Variants in SHROOM3 observed in about 807,000 individuals in gnomAD.
SHROOM3 encodes protein Shroom3.
A neutral mutation model predicts 138.6 loss-of-function variants in SHROOM3; 47 were observed. The observed-to-expected ratio is 0.34, with a 90% confidence interval of 0.27 to 0.43. The LOEUF (loss-of-function observed/expected upper bound fraction) is 0.43. Among genes scored for constraint, SHROOM3 ranks in the 20% least tolerant of loss-of-function variants. The pLI is 1.00. For missense variants in SHROOM3, 2,491 were observed against 2,596.5 expected, an observed-to-expected ratio of 0.96 and a Z score of 0.88; for synonymous variants, 1,062 against 1,063.3, an observed-to-expected ratio of 1.00 and a Z score of 0.02.
At chr4:76,444,572 CT>C (rs1443889051) in intron 1 of SHROOM3, among the ~76,000 whole-genome samples, 23 of 139,302 alleles carry the variant, frequency 1.7e-4, no homozygotes. Flanking sequence ...TCTTGGCTCA[CT>C]GCAACCTCCA....
intron 1 of SHROOM3, among the ~76,000 whole-genome samples, chr4:76,498,436 GGAT>G (rs1196823710): frequency 6.6e-6 from 1 of 152,092 alleles, no homozygotes; most frequent in Non-Finnish European, 1.5e-5. Flanking sequence ...CAAAATAAAT[GGAT>G]GATGATAGGA....
At chr4:76,455,505 A>C (rs528533422) in intron 1 of SHROOM3, among the ~76,000 whole-genome samples, 2 of 152,188 alleles carry the variant, frequency 1.3e-5, no homozygotes, top group East Asian at 3.9e-4. Context: ...TCATTAATTA[A>C]AATGATATAA....
At position 76,482,853 on chromosome 4, in the gene SHROOM3, A is replaced by G. The variant is rs190637546; in HGVS notation, c.168+46633A>G. Among the ~76,000 whole-genome samples, 23 of 152,336 alleles carry G rather than the reference A, an allele frequency of 1.5e-4. No homozygotes were observed. The East Asian group carries it at 4.4e-3, about 29-fold the overall frequency. On this transcript the variant is annotated intron_variant, in intron 1 of 10. Coordinates refer to ENST00000296043, the MANE Select transcript of SHROOM3 (RefSeq NM_020859.4). ...GCCTCAGAAGTAATGCCACACATCC[A>G]CAACCATCTGATCTTTGACAAACCT...
chr4:76,476,365 C>T (rs567115140), intron 1 of SHROOM3, among the ~76,000 whole-genome samples: 11 of 152,190 alleles, frequency 7.2e-5, no homozygotes, highest in Non-Finnish European at 1.6e-4. Flanking sequence ...ACTAAGCACT[C>T]AAGGTCTGGC....
chr4:76,455,267 G>A (rs1193367039), intron 1 of SHROOM3, among the ~76,000 whole-genome samples: 1 of 151,858 alleles, frequency 6.6e-6, no homozygotes, highest in East Asian at 1.9e-4. Flanking sequence ...TCTGATAATA[G>A]GTGTGGAATT....
At chr4:76,467,334 A>G (rs2109979496) in intron 1 of SHROOM3, among the ~76,000 whole-genome samples, 1 of 152,250 alleles carries the variant, frequency 6.6e-6, no homozygotes, top group South Asian at 2.1e-4. Context: ...GGCACGAGCC[A>G]CCATAGCCAG....
chr4:76,508,778 C>A (rs1468934287), intron 1 of SHROOM3, among the ~76,000 whole-genome samples: 1 of 152,100 alleles, frequency 6.6e-6, no homozygotes, highest in Non-Finnish European at 1.5e-5. Flanking sequence ...TTTTTGCTGC[C>A]ATAACAAAAT....
chr4:76,593,478 C>T (rs1734318067), intron 2 of SHROOM3, among the ~76,000 whole-genome samples: 1 of 152,206 alleles, frequency 6.6e-6, no homozygotes. Flanking sequence ...AAACCACCCA[C>T]GATGACTGGC....
At chr4:76,476,181 G>A (rs1731481621) in intron 1 of SHROOM3, among the ~76,000 whole-genome samples, 1 of 152,112 alleles carries the variant, frequency 6.6e-6, no homozygotes, top group African/African-American at 2.4e-5. Flanking sequence ...GGGACTACAG[G>A]GAATGAATCT....
intron 2 of SHROOM3, among the ~76,000 whole-genome samples, chr4:76,646,818 G>A (rs1735831720): frequency 6.6e-6 from 1 of 152,180 alleles, no homozygotes; most frequent in Non-Finnish European, 1.5e-5. Flanking sequence ...TACACTGTTG[G>A]TGGGAGCGTA....
intron 2 of SHROOM3, among the ~76,000 whole-genome samples, chr4:76,651,974 A>G (rs886539432): frequency 6.6e-6 from 1 of 152,198 alleles, no homozygotes; most frequent in Non-Finnish European, 1.5e-5. Flanking sequence ...AATCTTTTCT[A>G]GAAAGCTGGT....
Position 76,741,558 on chromosome 4 carries a change from G to T in SHROOM3, c.3385G>T (p.Glu1129Ter). The T allele has an allele frequency of 6.5e-7, 1 of 1,545,934 alleles. No individual in the cohort carries two copies. Residue 1129 changes from glutamate (E) to a stop codon, truncating the protein, a stop_gained, in exon 5 of 11, where the codon GAA becomes TAA. Transcript: ENST00000296043. LOFTEE classifies it high-confidence loss of function. This position sits in a 1 kb window ranked among gnomAD's most constrained non-coding sequence, Gnocchi z 6.2. The part of the protein sequence containing the change: ...AYLQPGPAAL[E>*]GSGLASASSL... Reference sequence around the variant, plus strand: ...CCTCCAGCCCGGCCCCGCGGCGCTCGAAGGCTCCGGCCTCGCCTCGGCCTC... The same window carrying T: ...CCTCCAGCCCGGCCCCGCGGCGCTCTAAGGCTCCGGCCTCGCCTCGGCCTC...
intron 2 of SHROOM3, among the ~76,000 whole-genome samples, chr4:76,662,388 C>T (rs775957482): frequency 5.3e-5 from 8 of 152,186 alleles, no homozygotes; most frequent in Non-Finnish European, 1.2e-4. Flanking sequence ...CATCTTCAAG[C>T]CTGCAAGACG....
rs1048641157 is a variant in SHROOM3 at position 76,703,452 on chromosome 4, T to A, written c.324-6704T>A. 7.2e-5 allele frequency among the ~76,000 whole-genome samples: 11 copies of A among 152,232 alleles called. 1 individual carries two copies. Among genetic ancestry groups the A allele is most frequent in the Admixed American group, 7.2e-4 (11 of 15,286 alleles). On this transcript the variant is annotated intron_variant, in intron 2 of 10. Transcript: ENST00000296043. ...TTCATTGAGATGTCTGTGAAACGGC[T>A]GATCAATGGTCAGTTATCAGAAAAT...
At chr4:76,748,754 A>C (rs1350638824) in intron 5 of SHROOM3, among the ~76,000 whole-genome samples, 1 of 151,654 alleles carries the variant, frequency 6.6e-6, no homozygotes, top group East Asian at 1.9e-4. Flanking sequence ...CTTAGTTAGG[A>C]AACATCCTTG....
At chr4:76,728,314 C>T (rs1012620862) in intron 3 of SHROOM3, among the ~76,000 whole-genome samples, 1 of 152,162 alleles carries the variant, frequency 6.6e-6, no homozygotes, top group Non-Finnish European at 1.5e-5. Flanking sequence ...ATGATGGAGG[C>T]AAGTCTTTCC....
intron 1 of SHROOM3, among the ~76,000 whole-genome samples, chr4:76,499,046 A>G (rs78292801): frequency 1.2e-3 from 190 of 152,340 alleles, no homozygotes; most frequent in African/African-American, 4.4e-3. Context: ...TTAAAATCAT[A>G]TATTCTAGAG....
In SHROOM3 at chr4:76,634,763, A is replaced by G. The variant is rs1735441925; in HGVS notation, c.324-75393A>G. Reference sequence around the variant, plus strand: ...GGTGACTTTATTTTTAAACTTTTAAAAATAACTGTATTTTATTATATAAGC... The same window carrying G: ...GGTGACTTTATTTTTAAACTTTTAAGAATAACTGTATTTTATTATATAAGC... On this transcript the variant is annotated intron_variant, in intron 2 of 10. Coordinates refer to ENST00000296043, the MANE Select transcript of SHROOM3 (RefSeq NM_020859.4). 3.3e-5 allele frequency among the ~76,000 whole-genome samples: 5 copies of G among 152,336 alleles called. No homozygotes were observed. The South Asian group carries it at 1.0e-3, about 32-fold the overall frequency.
At chr4:76,610,345 A>C (rs1265475876) in intron 2 of SHROOM3, among the ~76,000 whole-genome samples, 3 of 152,336 alleles carry the variant, frequency 2.0e-5, no homozygotes, top group Admixed American at 6.5e-5. Context: ...CATTTCTGGT[A>C]ATTTTGAATT....
Sources: allele counts gnomAD v4.1 joint callset (sites outside exome capture counted in the v4.1 genomes callset), GRCh38; gene constraint gnomAD v4.1.1; non-coding constraint Gnocchi (gnomAD v3.1); transcripts MANE v1.5; gene names NCBI Gene and HGNC (gene_info 2026-07-23, HGNC 2026-07-21).